The following PCSK2 variants were observed in gnomAD, a reference collection of about 807,000 sequenced individuals.
The protein encoded by PCSK2 is proprotein convertase subtilisin/kexin type 2, also known as neuroendocrine convertase 2.
Under a neutral mutation model 69.7 loss-of-function variants are expected in PCSK2, and 14 were observed. The ratio of observed to expected loss-of-function variants is 0.20; its 90% confidence interval spans 0.13 to 0.31. PCSK2 has a LOEUF of 0.31. Among genes scored for constraint, PCSK2 ranks in the 10% least tolerant of loss-of-function variants. PCSK2 has a pLI of 1.00. For synonymous variants in PCSK2, 307 were observed against 320.7 expected (o/e 0.96, Z 0.46); for missense variants, 544 against 842.5 (o/e 0.65, Z 4.39).
chr20:17,449,403 A>G (rs921928959), intron 8 of PCSK2, among the ~76,000 whole-genome samples: 1 of 152,056 alleles, frequency 6.6e-6, no homozygotes, highest in Non-Finnish European at 1.5e-5. Context: ...TCCCTGGATA[A>G]AATTCCCTCT....
At chr20:17,288,085 C>T (rs1252721666) in intron 2 of PCSK2, among the ~76,000 whole-genome samples, 1 of 152,180 alleles carries the variant, frequency 6.6e-6, no homozygotes. Flanking sequence ...CATGCCCTTC[C>T]CCACTTCCCA....
intron 4 of PCSK2, among the ~76,000 whole-genome samples, chr20:17,363,539 G>T (rs2123219586): frequency 6.6e-6 from 1 of 152,302 alleles, no homozygotes; most frequent in Middle Eastern, 3.4e-3. Flanking sequence ...CTGGAAAATG[G>T]AATGTGATCA....
intron 4 of PCSK2, among the ~76,000 whole-genome samples, chr20:17,368,407 T>G (rs1047432771): frequency 2.6e-5 from 4 of 152,194 alleles, no homozygotes; most frequent in Non-Finnish European, 4.4e-5. Context: ...CTCAAATGCC[T>G]GTCTTTGACT....
chr20:17,454,186 G>A (rs569786567), intron 9 of PCSK2, among the ~76,000 whole-genome samples: 3 of 152,218 alleles, frequency 2.0e-5, no homozygotes, highest in South Asian at 2.1e-4. Flanking sequence ...TTTCTGGATC[G>A]TTTTCCATAG....
At chr20:17,328,410 A>G (rs1160671311) in intron 2 of PCSK2, among the ~76,000 whole-genome samples, 1 of 148,670 alleles carries the variant, frequency 6.7e-6, no homozygotes, top group Non-Finnish European at 1.5e-5. Context: ...GCAATTATAT[A>G]TATTATAAAA....
At chr20:17,229,861 C>T (rs1180994576) in intron 1 of PCSK2, among the ~76,000 whole-genome samples, 3 of 152,164 alleles carry the variant, frequency 2.0e-5, no homozygotes, top group African/African-American at 7.2e-5. Flanking sequence ...AATTTTTATG[C>T]GACTGATAGG....
At chr20:17,249,705 C>A (rs1228300987) in intron 1 of PCSK2, among the ~76,000 whole-genome samples, 1 of 152,036 alleles carries the variant, frequency 6.6e-6, no homozygotes, top group Non-Finnish European at 1.5e-5. Flanking sequence ...ACATGATGAA[C>A]CTTGAAGACA....
At chr20:17,397,782 CAAT>C (rs1022864475) in intron 5 of PCSK2, among the ~76,000 whole-genome samples, 1 of 152,116 alleles carries the variant, frequency 6.6e-6, no homozygotes. Flanking sequence ...CGGCCAAATT[CAAT>C]AATATTATGC....
At chr20:17,434,378 G>A (rs972933559) in intron 7 of PCSK2, among the ~76,000 whole-genome samples, 3 of 140,196 alleles carry the variant, frequency 2.1e-5, no homozygotes, top group African/African-American at 8.0e-5. Context: ...TCTTGGCTTG[G>A]TGCAGTTGCT....
chr20:17,333,917 A>ATATATG (rs1555788992), intron 2 of PCSK2, among the ~76,000 whole-genome samples: 3 of 82,126 alleles, frequency 3.7e-5, no homozygotes, highest in African/African-American at 1.1e-4. Context: ...CTGCATATAT[A>ATATATG]TATATATATA....
At chr20:17,407,997 G>A (rs1389713861) in intron 5 of PCSK2, among the ~76,000 whole-genome samples, 1 of 152,182 alleles carries the variant, frequency 6.6e-6, no homozygotes, top group Non-Finnish European at 1.5e-5. Context: ...AATGGAATTA[G>A]TGGAGTTGCT....
intron 4 of PCSK2, among the ~76,000 whole-genome samples, chr20:17,365,911 C>T (rs772378351): frequency 6.6e-6 from 1 of 152,230 alleles, no homozygotes; most frequent in Non-Finnish European, 1.5e-5. Flanking sequence ...CTGGGCACAG[C>T]TCATGCAGCA....
At chr20:17,389,475 A>G (rs2031317080) in intron 5 of PCSK2, among the ~76,000 whole-genome samples, 2 of 152,028 alleles carry the variant, frequency 1.3e-5, no homozygotes, top group African/African-American at 4.8e-5. Flanking sequence ...ATTAACAACA[A>G]TGAATATCGA....
Position 17,227,178 on chromosome 20 carries a change from T to A in PCSK2, c.-128T>A. ...CGCTGCTTTCCAAGACCCTGTTCAGTCTCTTTCTCTATACAAAGATTTTTT... is the reference window on the plus strand; with the variant it reads ...CGCTGCTTTCCAAGACCCTGTTCAGACTCTTTCTCTATACAAAGATTTTTT... On this transcript the variant is annotated 5_prime_UTR_variant, in exon 1 of 12. Coordinates refer to ENST00000262545, the MANE Select transcript of PCSK2 (RefSeq NM_002594.5). 10 of 634,514 alleles carry A rather than the reference T, an allele frequency of 1.6e-5. No individual in the cohort carries two copies. The highest frequency in any genetic ancestry group is 2.5e-5 in the Non-Finnish European group (9 of 366,202). 39.3% of individuals were successfully genotyped at this position (634,514 alleles called of 1,614,324 possible).
At chr20:17,431,370 G>C (rs911649883) in intron 7 of PCSK2, among the ~76,000 whole-genome samples, 1 of 152,172 alleles carries the variant, frequency 6.6e-6, no homozygotes, top group Non-Finnish European at 1.5e-5. Context: ...GGAGCTCCTT[G>C]AGCAGAGGAC....
chr20:17,471,594 G>A (rs1280789232), intron 11 of PCSK2, among the ~76,000 whole-genome samples: 2 of 152,212 alleles, frequency 1.3e-5, no homozygotes, highest in East Asian at 1.9e-4. Flanking sequence ...TAGGACCGGC[G>A]GGCCAGCAAG....
At chr20:17,366,800 G>T (rs557631990) in intron 4 of PCSK2, among the ~76,000 whole-genome samples, 118 of 152,146 alleles carry the variant, frequency 7.8e-4, no homozygotes, top group African/African-American at 2.7e-3. Context: ...ATTTAAGATC[G>T]TTTATTTTAA....
intron 5 of PCSK2, among the ~76,000 whole-genome samples, chr20:17,390,891 C>T (rs908061381): frequency 4.6e-5 from 7 of 152,020 alleles, no homozygotes; most frequent in African/African-American, 1.7e-4. Flanking sequence ...TTTTTTCTCC[C>T]CCAACTGCAA....
intron 2 of PCSK2, among the ~76,000 whole-genome samples, chr20:17,262,688 A>G (rs1243890970): frequency 6.6e-6 from 1 of 152,212 alleles, no homozygotes; most frequent in Non-Finnish European, 1.5e-5. Context: ...ACAAAAGGGT[A>G]AATAAGTCTA....
Sources: allele counts gnomAD v4.1 joint callset (sites outside exome capture counted in the v4.1 genomes callset), GRCh38; gene constraint gnomAD v4.1.1; transcripts MANE v1.5; gene names NCBI Gene and HGNC (gene_info 2026-07-23, HGNC 2026-07-21).